FHIT: variants seen among roughly 807,000 people sequenced by gnomAD.
The protein encoded by FHIT is bis(5'-adenosyl)-triphosphatase.
FHIT carries 19 observed loss-of-function variants against 17.9 expected under a neutral mutation model. The ratio of observed to expected loss-of-function variants is 1.06; its 90% confidence interval spans 0.74 to 1.56. The LOEUF (loss-of-function observed/expected upper bound fraction) is 1.56. FHIT is among the 40% of genes most tolerant of loss of function. The probability of loss-of-function intolerance (pLI) is 0.00; values close to 1 mark genes in which losing one functional copy is unlikely to be tolerated. For synonymous variants in FHIT, 81 were observed against 69.7 expected, an observed-to-expected ratio of 1.16 and a Z score of -0.81; for missense variants, 248 against 189.2, an observed-to-expected ratio of 1.31 and a Z score of -1.82.
chr3:59,956,414 A>C (rs1295084853), intron 7 of FHIT, among the ~76,000 whole-genome samples: 2 of 152,204 alleles, frequency 1.3e-5, no homozygotes, highest in African/African-American at 4.8e-5. Context: ...TCACGCCTAT[A>C]ATCTCAGCAC....
intron 3 of FHIT, among the ~76,000 whole-genome samples, chr3:60,948,988 C>A (rs187749487): frequency 1.6e-4 from 24 of 152,054 alleles, no homozygotes; most frequent in Non-Finnish European, 2.9e-4. Flanking sequence ...TAAAAATTAA[C>A]CTTACTTTGC....
intron 5 of FHIT, among the ~76,000 whole-genome samples, chr3:60,152,390 C>T (rs528447744): frequency 6.6e-6 from 1 of 152,298 alleles, no homozygotes; most frequent in Non-Finnish European, 1.5e-5. Flanking sequence ...ATGTGATGCA[C>T]TAACCAGAGA....
At chr3:59,776,059 T>G (rs918875338) in intron 8 of FHIT, among the ~76,000 whole-genome samples, 1 of 152,208 alleles carries the variant, frequency 6.6e-6, no homozygotes, top group African/African-American at 2.4e-5. Flanking sequence ...GAATTCGAAT[T>G]GCCTGCCCAG....
chr3:60,570,651 C>A (rs912727066), intron 4 of FHIT, among the ~76,000 whole-genome samples: 84 of 150,748 alleles, frequency 5.6e-4, no homozygotes, highest in African/African-American at 2.0e-3. Flanking sequence ...AATTATCACC[C>A]AGAGTCATAT....
intron 4 of FHIT, among the ~76,000 whole-genome samples, chr3:60,687,061 T>C (rs1432871559): frequency 4.6e-5 from 7 of 152,226 alleles, no homozygotes; most frequent in Non-Finnish European, 1.0e-4. Flanking sequence ...CTCATCTCAT[T>C]TGTGGCAGTG....
chr3:60,338,291 T>A (rs761413743), intron 5 of FHIT, among the ~76,000 whole-genome samples: 4 of 152,200 alleles, frequency 2.6e-5, no homozygotes, highest in Non-Finnish European at 5.9e-5. Context: ...CATATATACC[T>A]GATTTTTCAC....
At chr3:60,998,911 G>A (rs1488313156) in intron 3 of FHIT, among the ~76,000 whole-genome samples, 1 of 148,382 alleles carries the variant, frequency 6.7e-6, no homozygotes. Flanking sequence ...CAAGCAGAGG[G>A]CAGATGAGTG....
chr3:60,168,624 C>A (rs984458484), intron 5 of FHIT, among the ~76,000 whole-genome samples: 1 of 152,156 alleles, frequency 6.6e-6, no homozygotes, highest in Non-Finnish European at 1.5e-5. Flanking sequence ...TTATTGACTT[C>A]ACTTTCAAAG....
intron 5 of FHIT, among the ~76,000 whole-genome samples, chr3:60,166,759 G>C (rs144105009): frequency 1.7e-4 from 26 of 152,160 alleles, no homozygotes; most frequent in African/African-American, 6.3e-4. Flanking sequence ...GCATATTTTT[G>C]TTTTCTCTTT....
intron 2 of FHIT, among the ~76,000 whole-genome samples, chr3:61,122,449 A>G (rs2036486315): frequency 6.6e-6 from 1 of 152,180 alleles, no homozygotes; most frequent in Non-Finnish European, 1.5e-5. Context: ...ACATGGGCAA[A>G]GACTTCATGA....
At chr3:60,431,540 C>T (rs1559907532) in intron 5 of FHIT, among the ~76,000 whole-genome samples, 1 of 152,060 alleles carries the variant, frequency 6.6e-6, no homozygotes, top group African/African-American at 2.4e-5. Context: ...AATGTTTATG[C>T]TTTCAATATT....
chr3:61,179,871 T>C (rs1365083608), intron 2 of FHIT, among the ~76,000 whole-genome samples: 1 of 152,154 alleles, frequency 6.6e-6, no homozygotes, highest in Non-Finnish European at 1.5e-5. Flanking sequence ...CCTCTTATTC[T>C]AGATGCTGGT....
At chr3:61,174,457 A>G (rs770592227) in intron 2 of FHIT, among the ~76,000 whole-genome samples, 6 of 152,226 alleles carry the variant, frequency 3.9e-5, no homozygotes, top group African/African-American at 7.2e-5. Flanking sequence ...AGCATCAGGA[A>G]AGGATTTCAA....
At chr3:59,927,534 G>A (rs976533182) in intron 7 of FHIT, among the ~76,000 whole-genome samples, 7 of 151,596 alleles carry the variant, frequency 4.6e-5, no homozygotes, top group Non-Finnish European at 8.8e-5. Context: ...TTGGGAGGCC[G>A]AGGCGGGCGG....
At chr3:59,963,571 C>T (rs578018444) in intron 7 of FHIT, among the ~76,000 whole-genome samples, 21 of 152,178 alleles carry the variant, frequency 1.4e-4, no homozygotes, top group Admixed American at 6.5e-4. Context: ...ATTCACAGAG[C>T]GCCTAACATG....
At chr3:59,932,332 A>C (rs1706013790) in intron 7 of FHIT, among the ~76,000 whole-genome samples, 1 of 152,226 alleles carries the variant, frequency 6.6e-6, no homozygotes, top group African/African-American at 2.4e-5. Context: ...AACAAAAAGA[A>C]CAGATAAAAA....
intron 3 of FHIT, among the ~76,000 whole-genome samples, chr3:61,031,880 G>T (rs1282055552): frequency 6.6e-6 from 1 of 152,182 alleles, no homozygotes; most frequent in Admixed American, 6.5e-5. Flanking sequence ...AATTCTGGCA[G>T]GAAAATAAAG....
At chr3:59,987,168 T>C (rs1709019909) in intron 7 of FHIT, among the ~76,000 whole-genome samples, 1 of 145,168 alleles carries the variant, frequency 6.9e-6, no homozygotes, top group Non-Finnish European at 1.5e-5. Flanking sequence ...CATAAAAATA[T>C]ATATTTATAT....
chr3:60,052,199 A>C (rs562928996), intron 5 of FHIT, among the ~76,000 whole-genome samples: 1 of 152,134 alleles, frequency 6.6e-6, no homozygotes, highest in African/African-American at 2.4e-5. Flanking sequence ...CTATAATCCC[A>C]TAAGAACCAA....
Sources: allele counts gnomAD v4.1 joint callset (sites outside exome capture counted in the v4.1 genomes callset), GRCh38; gene constraint gnomAD v4.1.1; transcripts MANE v1.5; gene names NCBI Gene and HGNC (gene_info 2026-07-23, HGNC 2026-07-21).